Variants in DCC observed in about 807,000 individuals in gnomAD.
The protein encoded by DCC is netrin receptor DCC.
DCC carries 58 observed loss-of-function variants against 172.5 expected under a neutral mutation model. The observed-to-expected ratio is 0.34, with a 90% CI of 0.27 to 0.42. The LOEUF (loss-of-function observed/expected upper bound fraction) is 0.42. Ranked by LOEUF, DCC falls within the 10% of genes least tolerant of loss-of-function variation. The pLI is 1.00. For missense variants in DCC, 1,740 were observed against 1,791.0 expected, an observed-to-expected ratio of 0.97 and a Z score of 0.51; for synonymous variants, 709 against 644.5, an observed-to-expected ratio of 1.10 and a Z score of -1.52.
chr18:52,578,887 G>A (rs138499339), intron 1 of DCC, among the ~76,000 whole-genome samples: 6,617 of 151,998 alleles, frequency 0.044, 484 homozygotes, highest in African/African-American at 0.15. Context: ...AGGCTGAGGC[G>A]GGAGAATGGC....
chr18:53,436,661 T>C (rs954412911), intron 22 of DCC, among the ~76,000 whole-genome samples: 1 of 152,196 alleles, frequency 6.6e-6, no homozygotes, highest in Non-Finnish European at 1.5e-5. Flanking sequence ...TGACTTATTT[T>C]TGAATTGCCT....
At chr18:52,803,987 G>A (rs1481251986) in intron 2 of DCC, among the ~76,000 whole-genome samples, 1 of 152,142 alleles carries the variant, frequency 6.6e-6, no homozygotes, top group Non-Finnish European at 1.5e-5. Flanking sequence ...GCATGGTGGT[G>A]GTGGTGCGAA....
At chr18:53,307,504 G>A (rs893160918) in intron 13 of DCC, among the ~76,000 whole-genome samples, 1 of 151,964 alleles carries the variant, frequency 6.6e-6, no homozygotes, top group African/African-American at 2.4e-5. Flanking sequence ...TTTAATCCAA[G>A]CTCTTCCAGA....
intron 5 of DCC, among the ~76,000 whole-genome samples, chr18:53,038,871 AC>A (rs2042129431): frequency 6.6e-6 from 1 of 151,862 alleles, no homozygotes; most frequent in South Asian, 2.1e-4. Context: ...TGAAGCCAGG[AC>A]TATTCCTTGG....
At chr18:52,385,210 A>G (rs1451685628) in intron 1 of DCC, among the ~76,000 whole-genome samples, 1 of 152,120 alleles carries the variant, frequency 6.6e-6, no homozygotes, top group Non-Finnish European at 1.5e-5. Context: ...TTGTCCCAAT[A>G]AAGTGGAATG....
intron 5 of DCC, among the ~76,000 whole-genome samples, chr18:53,010,394 A>C (rs777882510): frequency 6.6e-6 from 1 of 151,790 alleles, no homozygotes; most frequent in Non-Finnish European, 1.5e-5. Flanking sequence ...AGTTTGAAAC[A>C]CACCCAATAT....
intron 1 of DCC, among the ~76,000 whole-genome samples, chr18:52,557,208 G>A (rs1161176912): frequency 2.0e-5 from 3 of 152,182 alleles, no homozygotes; most frequent in Non-Finnish European, 2.9e-5. Flanking sequence ...AACAAAGTAT[G>A]TTAGTGTATG....
chr18:52,802,643 C>CTTTTTTTTTTTTTT lies in DCC; in HGVS notation c.412+50296_412+50309dup. 7.9e-5 allele frequency among the ~76,000 whole-genome samples: 3 copies of CTTTTTTTTTTTTTT among 38,202 alleles called. 1 individual carries two copies. The highest frequency in any genetic ancestry group is 2.5e-3 in the East Asian group (2 of 816). The allele number at this position is 38,202 out of a possible 152,430, so 25.1% of individuals were successfully genotyped here. On this transcript the variant is annotated intron_variant, in intron 2 of 28. Transcript: ENST00000442544. ...ACAGGTACACATCACCACGCCAAGC[C>CTTTTTTTTTTTTTT]TTTTTTTTTTTTTTTTTTTTTTTTT...
chr18:53,434,852 C>T (rs760512019), intron 21 of DCC, among the ~76,000 whole-genome samples: 1 of 152,140 alleles, frequency 6.6e-6, no homozygotes, highest in Non-Finnish European at 1.5e-5. Context: ...ACTGCTGCTG[C>T]ACCTTTAATA....
At chr18:53,250,512 G>A (rs2144656839) in intron 12 of DCC, among the ~76,000 whole-genome samples, 1 of 151,804 alleles carries the variant, frequency 6.6e-6, no homozygotes, top group African/African-American at 2.4e-5. Flanking sequence ...CTCTGATCTG[G>A]TGTCTGCCCA....
At chr18:53,176,811 C>T (rs2055102647) in intron 8 of DCC, among the ~76,000 whole-genome samples, 1 of 151,584 alleles carries the variant, frequency 6.6e-6, no homozygotes, top group African/African-American at 2.4e-5. Context: ...CCATTTGACC[C>T]AGCCATCCCA....
intron 1 of DCC, among the ~76,000 whole-genome samples, chr18:52,700,273 CACACATGCACACACAT>C (rs762272642): frequency 0.037 from 3,285 of 88,822 alleles, 60 homozygotes; most frequent in East Asian, 0.14. Context: ...CACTCTTGTG[CACACATGCACACACAT>C]GCACATCCAC....
intron 1 of DCC, among the ~76,000 whole-genome samples, chr18:52,359,907 G>A (rs1281699903): frequency 2.0e-5 from 3 of 152,024 alleles, no homozygotes; most frequent in Non-Finnish European, 2.9e-5. Flanking sequence ...CAAAAAGTTG[G>A]CCAATTTTTC....
intron 27 of DCC, among the ~76,000 whole-genome samples, chr18:53,501,139 T>C (rs1373801170): frequency 2.0e-5 from 3 of 152,226 alleles, no homozygotes; most frequent in Non-Finnish European, 4.4e-5. Flanking sequence ...GACAGCTTAA[T>C]TGCAACTGCT....
chr18:52,518,152 C>T (rs1396713181), intron 1 of DCC, among the ~76,000 whole-genome samples: 1 of 152,146 alleles, frequency 6.6e-6, no homozygotes, highest in Non-Finnish European at 1.5e-5. Flanking sequence ...AATTAGCTTT[C>T]TTATCTATAC....
rs531419863 is a variant in DCC, at chr18:53,062,990, T to C, written c.986-315T>C. ...TTCCAAAGACTTATGTACTTTTCAG[T>C]GTGTAAGTCAATTGGGTACATAACA... On this transcript the variant is annotated intron_variant, in intron 5 of 28. Coordinates refer to ENST00000442544, the MANE Select transcript of DCC (RefSeq NM_005215.4). Among the ~76,000 whole-genome samples, 7 of 152,230 alleles carry C rather than the reference T, an allele frequency of 4.6e-5. No homozygotes were observed. The South Asian group carries it at 1.2e-3, about 27-fold the overall frequency.
intron 2 of DCC, among the ~76,000 whole-genome samples, chr18:52,874,467 A>G (rs980873498): frequency 2.0e-4 from 30 of 152,186 alleles, no homozygotes; most frequent in Admixed American, 9.8e-4. Flanking sequence ...TTTGAGTTAT[A>G]ATCAATTTTT....
chr18:53,386,816 C>T (rs1288349299), intron 16 of DCC, among the ~76,000 whole-genome samples: 1 of 152,120 alleles, frequency 6.6e-6, no homozygotes, highest in Non-Finnish European at 1.5e-5. Flanking sequence ...ATGGTGAGAT[C>T]CAAACTATTT....
intron 5 of DCC, among the ~76,000 whole-genome samples, chr18:52,973,643 G>T (rs928501703): frequency 1.6e-4 from 25 of 152,230 alleles, no homozygotes; most frequent in African/African-American, 5.8e-4. Context: ...AGCACCTGAA[G>T]AGACCTTAGT....
Sources: gnomAD v4.1 joint callset for allele counts (sites outside exome capture counted in the v4.1 genomes callset) on GRCh38, gnomAD v4.1.1 for gene constraint, MANE v1.5 for transcripts, NCBI Gene and HGNC (gene_info 2026-07-23, HGNC 2026-07-21) for gene names.